TVP23B: variants seen among roughly 807,000 people sequenced by gnomAD.
TVP23B encodes Golgi apparatus membrane protein TVP23 homolog B.
Under a neutral mutation model 30.6 loss-of-function variants are expected in TVP23B, and 10 were observed. That is an observed-to-expected ratio of 0.33 (90% confidence interval 0.20 to 0.55). TVP23B has a LOEUF of 0.55. TVP23B is among the 20% of genes least tolerant of loss of function. The probability of loss-of-function intolerance (pLI) is 0.91; values close to 1 mark genes in which losing one functional copy is unlikely to be tolerated. For missense variants in TVP23B, 153 were observed against 243.2 expected, an observed-to-expected ratio of 0.63 and a Z score of 2.47; for synonymous variants, 67 against 83.1, an observed-to-expected ratio of 0.81 and a Z score of 1.06.
chr17:18,795,589 C>CA (rs1372917633), intron 3 of TVP23B, among the ~76,000 whole-genome samples: 1 of 152,154 alleles, frequency 6.6e-6, no homozygotes, highest in African/African-American at 2.4e-5. Context: ...TTCATAGACT[C>CA]ATGAATAAGT....
At chr17:18,801,759 A>C (rs2036171089) in intron 5 of TVP23B, among the ~76,000 whole-genome samples, 1 of 151,986 alleles carries the variant, frequency 6.6e-6, no homozygotes, top group Admixed American at 6.6e-5. Context: ...CAAAACAGGG[A>C]GAGGTTATGT....
intron 3 of TVP23B, among the ~76,000 whole-genome samples, chr17:18,792,110 C>T (rs1232096376): frequency 6.6e-5 from 10 of 151,534 alleles, no homozygotes; most frequent in African/African-American, 1.7e-4. Context: ...CTTGGCTCAC[C>T]GCAACCTCTG....
intron 5 of TVP23B, among the ~76,000 whole-genome samples, chr17:18,799,507 C>T (rs1460050485): frequency 2.6e-5 from 4 of 152,150 alleles, no homozygotes; most frequent in Non-Finnish European, 5.9e-5. Flanking sequence ...TGTTCTAGCT[C>T]GCAAGCTTTT....
chr17:18,792,168 G>C lies in TVP23B; in HGVS notation c.240+1128G>C, dbSNP rs1260182023. Among the ~76,000 whole-genome samples, 4 of 151,640 alleles carry C rather than the reference G, an allele frequency of 2.6e-5. No individual in the cohort carries two copies. In the East Asian group the frequency reaches 7.7e-4, roughly 29 times the overall value. ...CCTGCCTCAGACTCCCGAGTAGCTG[G>C]GATTACAGGCATGCACCACCACGCC... On this transcript the variant is annotated intron_variant, in intron 3 of 6. Transcript: ENST00000307767.
intron 3 of TVP23B, among the ~76,000 whole-genome samples, chr17:18,793,932 C>G (rs2036037078): frequency 6.6e-6 from 1 of 151,880 alleles, no homozygotes. Context: ...CAGATCAACT[C>G]AAACAAAAAG....
intron 5 of TVP23B, among the ~76,000 whole-genome samples, chr17:18,801,257 GT>G (rs756003181): frequency 7.6e-5 from 11 of 145,180 alleles, no homozygotes; most frequent in Admixed American, 3.4e-4. Flanking sequence ...TTTTGGTGGG[GT>G]TTTTTTCTTT....
At chr17:18,805,293 C>G (rs946706496) in intron 6 of TVP23B, among the ~76,000 whole-genome samples, 3 of 151,820 alleles carry the variant, frequency 2.0e-5, no homozygotes, top group Non-Finnish European at 4.4e-5. Flanking sequence ...ACCGTGTTAG[C>G]CAGGATGGTC....
intron 1 of TVP23B, among the ~76,000 whole-genome samples, chr17:18,785,783 C>T (rs185332427): frequency 6.6e-6 from 1 of 152,140 alleles, no homozygotes; most frequent in African/African-American, 2.4e-5. Context: ...CAGTAGTGAC[C>T]CCTGATTGCT....
chr17:18,794,966 C>G (rs746803184), intron 3 of TVP23B, among the ~76,000 whole-genome samples: 1 of 150,984 alleles, frequency 6.6e-6, no homozygotes, highest in Non-Finnish European at 1.5e-5. Flanking sequence ...AAGGCCTCTC[C>G]ATGTGTCTTC....
rs2035805665 is a variant in TVP23B, at chr17:18,781,420, G to A, written c.12+115G>A. 29 of 1,510,754 alleles carry A rather than the reference G, an allele frequency of 1.9e-5. No individual in the cohort carries two copies. The South Asian group carries it at 2.1e-4, about 11-fold the overall frequency. 93.6% of individuals were successfully genotyped at this position (1,510,754 alleles called of 1,614,324 possible). On this transcript the variant is annotated intron_variant, in intron 1 of 6. Coordinates refer to ENST00000307767, the MANE Select transcript of TVP23B (RefSeq NM_016078.6). ...CGCTACTCGAACTCGAGGAGGAGCG[G>A]GGCGGCCGGGAGTGGAGGGCTGTGG...
rs2035985434 is a variant in TVP23B at position 18,791,067 on chromosome 17, A to C, written c.240+27A>C. 3.9e-6 allele frequency: 6 copies of C among 1,549,696 alleles called. No homozygotes were observed. In the East Asian group the frequency reaches 1.4e-4, roughly 37 times the overall value. ...TAATTTTGATTGTTTTTATTTTAAA[A>C]TTATATTTAATATGAAAATGATGTA... is the stretch of plus-strand genomic sequence containing the variant. On this transcript the variant is annotated intron_variant, in intron 3 of 6. Coordinates refer to ENST00000307767, the MANE Select transcript of TVP23B (RefSeq NM_016078.6).
chr17:18,803,098 A>G (rs1007073577), intron 5 of TVP23B, among the ~76,000 whole-genome samples: 9 of 152,132 alleles, frequency 5.9e-5, no homozygotes, highest in Non-Finnish European at 1.2e-4. Flanking sequence ...TGTTAAGGGT[A>G]AGGAGAATAA....
chr17:18,795,294 A>G (rs1317566028), intron 3 of TVP23B, among the ~76,000 whole-genome samples: 1 of 151,968 alleles, frequency 6.6e-6, no homozygotes, highest in African/African-American at 2.4e-5. Context: ...ATATCTTAAC[A>G]TGTGTAAAAT....
chr17:18,790,757 C>T (rs1205643590), intron 2 of TVP23B, 139 bp from the exon 3 acceptor site: 2 of 1,450,882 alleles, frequency 1.4e-6, no homozygotes, highest in Non-Finnish European at 9.4e-7. Flanking sequence ...AGGAGGTTTG[C>T]TTCATCCTAC....
intron 3 of TVP23B, among the ~76,000 whole-genome samples, chr17:18,794,774 CTT>C (rs71155357): frequency 2.0e-4 from 29 of 144,444 alleles, no homozygotes; most frequent in Admixed American, 2.7e-4. Context: ...CTTGCCAGCT[CTT>C]TTTTTTTTTT....
intron 1 of TVP23B, among the ~76,000 whole-genome samples, chr17:18,783,263 G>A (rs555998327): frequency 3.8e-4 from 57 of 151,926 alleles, no homozygotes; most frequent in African/African-American, 1.4e-3. Context: ...CTGCCACCAC[G>A]CCCGGCTAAT....
chr17:18,800,523 A>G (rs1185867070), intron 5 of TVP23B, among the ~76,000 whole-genome samples: 2 of 152,188 alleles, frequency 1.3e-5, no homozygotes, highest in Admixed American at 6.5e-5. Context: ...TTCTTGGGTC[A>G]CAGTTTGTTT....
At position 18,798,895 on chromosome 17, in the gene TVP23B, G is replaced by A; in HGVS notation, c.414G>A (p.Trp138Ter). The change falls in exon 5 of 7, where the codon TGG becomes TGA. Residue 138 changes from tryptophan (W) to a stop codon, truncating the protein, a stop_gained. Transcript: ENST00000307767. LOFTEE classifies it high-confidence loss of function. ...WLGLIACPVL[W>*]VIFAFSALFS... is the part of the protein sequence containing the mutation. ...GACTTATTGCCTGTCCAGTACTGTG[G>A]GTGATATTTGCTTTTAGTGCACTCT... The A allele has an allele frequency of 6.2e-7, 1 of 1,613,626 alleles. No individual in the cohort carries two copies. Among genetic ancestry groups the A allele is most frequent in the Non-Finnish European group, 8.5e-7 (1 of 1,179,838 alleles).
intron 3 of TVP23B, chr17:18,795,792 G>A (rs2036068122): frequency 6.6e-6 from 1 of 152,186 alleles, no homozygotes; most frequent in African/African-American, 2.4e-5. Context: ...TGTGAGGAGA[G>A]AGAACTACAT....
Sources: allele counts gnomAD v4.1 joint callset (sites outside exome capture counted in the v4.1 genomes callset), GRCh38; gene constraint gnomAD v4.1.1; transcripts MANE v1.5; gene names NCBI Gene and HGNC (gene_info 2026-07-23, HGNC 2026-07-21).